The following R3HDM2 variants were observed in gnomAD, a reference collection of about 807,000 sequenced individuals.
The protein encoded by R3HDM2 is R3H domain-containing protein 2.
In R3HDM2, 38 loss-of-function variants were observed where a neutral mutation model predicts 124.5. The observed-to-expected ratio is 0.31, with a 90% CI of 0.24 to 0.40. The LOEUF is 0.40. Ranked by LOEUF, R3HDM2 falls within the 10% of genes least tolerant of loss-of-function variation. The probability of loss-of-function intolerance (pLI) is 1.00; values close to 1 mark genes in which losing one functional copy is unlikely to be tolerated. For missense variants in R3HDM2, 869 were observed against 1,236.9 expected, an observed-to-expected ratio of 0.70 and a Z score of 4.46; for synonymous variants, 391 against 448.0, an observed-to-expected ratio of 0.87 and a Z score of 1.61.
At chr12:57,425,742 G>A (rs985915183) in intron 1 of R3HDM2, among the ~76,000 whole-genome samples, 2 of 152,148 alleles carry the variant, frequency 1.3e-5, no homozygotes, top group African/African-American at 4.8e-5. Context: ...AGGTGGTAGT[G>A]AGCTGAAATC....
intron 14 of R3HDM2, among the ~76,000 whole-genome samples, chr12:57,273,860 G>C (rs1248668036): frequency 6.6e-6 from 1 of 152,160 alleles, no homozygotes; most frequent in Non-Finnish European, 1.5e-5. Flanking sequence ...AGTTCAGGAG[G>C]CAGAGTACAG....
chr12:57,291,581 G>GA (rs1045055318), intron 11 of R3HDM2, among the ~76,000 whole-genome samples: 3 of 151,246 alleles, frequency 2.0e-5, no homozygotes, highest in Non-Finnish European at 4.4e-5. Flanking sequence ...TTGAGCCCAG[G>GA]AAGTTGAAGC....
intron 9 of R3HDM2, among the ~76,000 whole-genome samples, chr12:57,295,869 A>AT (rs1020818274): frequency 1.3e-5 from 2 of 152,062 alleles, no homozygotes; most frequent in South Asian, 2.1e-4. Context: ...ACTTAAAAAA[A>AT]TTTTTTTTGT....
intron 1 of R3HDM2, chr12:57,430,415 C>T: frequency 3.3e-6 from 2 of 604,628 alleles, no homozygotes; most frequent in Non-Finnish European, 4.2e-6. Context: ...ACGGAGCTAG[C>T]CACCCCGAAG....
chr12:57,396,834 C>T (rs2067585713), intron 1 of R3HDM2, among the ~76,000 whole-genome samples: 1 of 151,810 alleles, frequency 6.6e-6, no homozygotes, highest in Non-Finnish European at 1.5e-5. Context: ...CACCTGTAAC[C>T]CCAGCACTTT....
intron 2 of R3HDM2, among the ~76,000 whole-genome samples, chr12:57,355,537 G>A (rs568203964): frequency 6.6e-6 from 1 of 151,810 alleles, no homozygotes; most frequent in South Asian, 2.1e-4. Context: ...AAATGACTTG[G>A]CAACTCTGTC....
intron 1 of R3HDM2, among the ~76,000 whole-genome samples, chr12:57,412,126 ATTTC>A (rs1397641611): frequency 6.6e-6 from 1 of 152,208 alleles, no homozygotes; most frequent in Non-Finnish European, 1.5e-5. Context: ...AGTCTCCAGC[ATTTC>A]TTTATAACAG....
At chr12:57,314,343 G>A (rs1183588789) in intron 2 of R3HDM2, among the ~76,000 whole-genome samples, 1 of 152,108 alleles carries the variant, frequency 6.6e-6, no homozygotes, top group Non-Finnish European at 1.5e-5. Flanking sequence ...GCTGGGCGTG[G>A]TGGTGCATGC....
chr12:57,388,050 C>T (rs369018883), intron 2 of R3HDM2, among the ~76,000 whole-genome samples: 2 of 152,154 alleles, frequency 1.3e-5, no homozygotes, highest in Admixed American at 6.5e-5. Context: ...CTGCAAACTC[C>T]GCCTCCCAGG....
At chr12:57,404,131 C>T (rs1325028881) in intron 1 of R3HDM2, among the ~76,000 whole-genome samples, 1 of 118,068 alleles carries the variant, frequency 8.5e-6, no homozygotes, top group Non-Finnish European at 1.6e-5. Context: ...ATGGCACGAT[C>T]TTGGCTCACC....
At chr12:57,350,429 C>G (rs1336629893) in intron 2 of R3HDM2, among the ~76,000 whole-genome samples, 1 of 151,870 alleles carries the variant, frequency 6.6e-6, no homozygotes. Context: ...AGAGATGAAG[C>G]CTGAGATAAA....
intron 14 of R3HDM2, chr12:57,272,356 C>T: frequency 1.9e-6 from 2 of 1,058,828 alleles, no homozygotes; most frequent in Non-Finnish European, 2.9e-6. Flanking sequence ...CCTCCAAAAG[C>T]ACAACATGCT....
At chr12:57,339,542 A>T (rs915478123) in intron 2 of R3HDM2, among the ~76,000 whole-genome samples, 11 of 152,066 alleles carry the variant, frequency 7.2e-5, no homozygotes, top group Non-Finnish European at 1.5e-4. Flanking sequence ...TACTAAAAAT[A>T]CAAAAATTAG....
chr12:57,393,590 C>T (rs752069090), intron 2 of R3HDM2, among the ~76,000 whole-genome samples: 1 of 152,152 alleles, frequency 6.6e-6, no homozygotes, highest in Non-Finnish European at 1.5e-5. Context: ...GGGACACCAT[C>T]AAGCATACTA....
intron 2 of R3HDM2, among the ~76,000 whole-genome samples, chr12:57,326,235 G>C (rs1365313345): frequency 6.6e-6 from 1 of 152,186 alleles, no homozygotes; most frequent in Non-Finnish European, 1.5e-5. Flanking sequence ...TGGCCTCTAA[G>C]TAAGCATTCA....
intron 2 of R3HDM2, 91 bp downstream of exon 2, chr12:57,395,658 T>C (rs1461683881): frequency 4.6e-6 from 2 of 433,860 alleles, no homozygotes; most frequent in Non-Finnish European, 6.1e-6. Context: ...TCCAACACCA[T>C]GGAGTTGTGT....
intron 14 of R3HDM2, among the ~76,000 whole-genome samples, chr12:57,271,144 C>A (rs912302120): frequency 6.6e-6 from 1 of 152,180 alleles, no homozygotes; most frequent in African/African-American, 2.4e-5. Context: ...CTGGGGGCTC[C>A]CACTCCTGCT....
intron 1 of R3HDM2, 36 bp downstream of exon 1, chr12:57,430,684 G>A (rs993432064): frequency 3.7e-5 from 27 of 721,364 alleles, no homozygotes; most frequent in Non-Finnish European, 4.4e-5. Context: ...CAGGCCGTCC[G>A]GGCCGCCCGC....
intron 1 of R3HDM2, among the ~76,000 whole-genome samples, chr12:57,402,841 G>A (rs965643883): frequency 1.2e-4 from 19 of 152,054 alleles, no homozygotes; most frequent in Non-Finnish European, 2.2e-4. Flanking sequence ...ACAGACATAA[G>A]CTACTGCAGC....
Sources: allele counts gnomAD v4.1 joint callset (sites outside exome capture counted in the v4.1 genomes callset), GRCh38; gene constraint gnomAD v4.1.1; transcripts MANE v1.5; gene names NCBI Gene and HGNC (gene_info 2026-07-23, HGNC 2026-07-21).